GRID1: variants seen among roughly 807,000 people sequenced by gnomAD.
GRID1 encodes glutamate ionotropic receptor delta type subunit 1, also known as glutamate receptor ionotropic, delta-1.
GRID1 carries 28 observed loss-of-function variants against 98.0 expected under a neutral mutation model. The observed-to-expected ratio is 0.29, with a 90% CI of 0.21 to 0.39. GRID1 has a LOEUF of 0.39. Ranked by LOEUF, GRID1 falls within the 10% of genes least tolerant of loss-of-function variation. The probability of loss-of-function intolerance (pLI) is 1.00; values close to 1 mark genes in which losing one functional copy is unlikely to be tolerated. For missense variants in GRID1, 1,111 were observed against 1,340.5 expected (o/e 0.83, Z 2.67); for synonymous variants, 553 against 538.5 (o/e 1.03, Z -0.37).
Position 86,277,686 on chromosome 10 carries a change from T to C in GRID1, c.236-71038A>G, listed in dbSNP as rs569037090. 4.0e-5 allele frequency among the ~76,000 whole-genome samples: 6 copies of C among 151,890 alleles called. No homozygotes were observed. In the East Asian group the frequency reaches 9.7e-4, roughly 24 times the overall value. The stretch of plus-strand genomic sequence containing the variant: ...CCTGAGGGTAACCACAAAGAAAATA[T>C]CCAAGGAATATACACAAAAGGAAAT... On this transcript the variant is annotated intron_variant, in intron 2 of 15. Coordinates refer to ENST00000327946, the MANE Select transcript of GRID1 (RefSeq NM_017551.3).
At chr10:86,183,776 A>G (rs1489071182) in intron 3 of GRID1, among the ~76,000 whole-genome samples, 1 of 152,222 alleles carries the variant, frequency 6.6e-6, no homozygotes, top group Non-Finnish European at 1.5e-5. Context: ...CATTTCTTTC[A>G]GGTAAATACC....
intron 2 of GRID1, among the ~76,000 whole-genome samples, chr10:86,310,205 A>C (rs1847813966): frequency 1.3e-5 from 2 of 152,146 alleles, no homozygotes; most frequent in African/African-American, 4.8e-5. Flanking sequence ...CCCCATCCCC[A>C]AGCCCAGATT....
intron 2 of GRID1, among the ~76,000 whole-genome samples, chr10:86,241,405 A>AGT (rs1846631306): frequency 2.0e-5 from 3 of 148,862 alleles, no homozygotes; most frequent in Admixed American, 1.3e-4. Flanking sequence ...GCATCTTTAC[A>AGT]GGGGGGCCCC....
intron 12 of GRID1, among the ~76,000 whole-genome samples, chr10:85,720,153 G>A (rs1179455396): frequency 2.0e-5 from 3 of 152,072 alleles, no homozygotes; most frequent in Non-Finnish European, 4.4e-5. Flanking sequence ...ATTGAGCTGG[G>A]TTCAAACTCA....
At chr10:86,281,357 G>C (rs962496044) in intron 2 of GRID1, among the ~76,000 whole-genome samples, 1 of 152,206 alleles carries the variant, frequency 6.6e-6, no homozygotes. Flanking sequence ...ATTGCAGCCA[G>C]TGGCTGCAGA....
chr10:86,080,394 A>AAGGGAAGGGGAGGGG (rs1169099359), intron 4 of GRID1, among the ~76,000 whole-genome samples: 1 of 26,248 alleles, frequency 3.8e-5, no homozygotes, highest in Non-Finnish European at 7.8e-5. Flanking sequence ...AAGGGAAGGG[A>AAGGGAAGGGGAGGGG]AGGGAAGGGA....
At chr10:85,835,928 C>T (rs966168106) in intron 8 of GRID1, among the ~76,000 whole-genome samples, 2 of 151,938 alleles carry the variant, frequency 1.3e-5, no homozygotes, top group African/African-American at 4.8e-5. Context: ...AAGTTTTAAC[C>T]TAAGCCATAA....
intron 2 of GRID1, among the ~76,000 whole-genome samples, chr10:86,235,107 C>T (rs1210402778): frequency 6.6e-6 from 1 of 152,238 alleles, no homozygotes; most frequent in East Asian, 1.9e-4. Flanking sequence ...CCAGCTCTCT[C>T]CTTGGGCCTT....
At chr10:86,292,158 G>A (rs540710902) in intron 2 of GRID1, among the ~76,000 whole-genome samples, 59 of 152,274 alleles carry the variant, frequency 3.9e-4, no homozygotes, top group African/African-American at 1.2e-3. Flanking sequence ...AAGCACGCAC[G>A]CCCCAGCACA....
chr10:86,211,737 C>A (rs1363321800), intron 2 of GRID1, among the ~76,000 whole-genome samples: 1 of 152,170 alleles, frequency 6.6e-6, no homozygotes, highest in Non-Finnish European at 1.5e-5. Flanking sequence ...ACAGAGAGTG[C>A]TAGTTGCTTG....
chr10:86,035,844 T>C (rs1174408972), intron 4 of GRID1, among the ~76,000 whole-genome samples: 1 of 152,036 alleles, frequency 6.6e-6, no homozygotes, highest in Non-Finnish European at 1.5e-5. Context: ...CCAGTGAAAA[T>C]AGCAGGTGCT....
rs142548285 is a variant in GRID1, at chr10:86,128,135, C to A, written c.726+10684G>T. ...CCAGCCCTGGAAAGAAAAGCATCATCGTGGCCCCAGCTGAGCATCTGAAAG... is the reference window on the plus strand; with the variant it reads ...CCAGCCCTGGAAAGAAAAGCATCATAGTGGCCCCAGCTGAGCATCTGAAAG... On this transcript the variant is annotated intron_variant, in intron 4 of 15. Coordinates refer to ENST00000327946, the MANE Select transcript of GRID1 (RefSeq NM_017551.3). 3.0e-3 allele frequency among the ~76,000 whole-genome samples: 455 copies of A among 151,952 alleles called. 2 individuals are homozygous for A. The highest frequency in any genetic ancestry group is 0.011 in the African/African-American group (436 of 41,306).
chr10:86,254,451 G>C (rs1281033302), intron 2 of GRID1, among the ~76,000 whole-genome samples: 1 of 152,224 alleles, frequency 6.6e-6, no homozygotes, highest in African/African-American at 2.4e-5. Context: ...AGAAACTTTT[G>C]AGGTGGGGCT....
At chr10:85,883,388 C>T (rs941560286) in intron 5 of GRID1, among the ~76,000 whole-genome samples, 3 of 152,120 alleles carry the variant, frequency 2.0e-5, no homozygotes, top group Admixed American at 6.6e-5. Context: ...CTTCTAAATA[C>T]GTAAAGTCAT....
At chr10:85,678,849 G>T (rs1841174496) in intron 12 of GRID1, among the ~76,000 whole-genome samples, 2 of 151,942 alleles carry the variant, frequency 1.3e-5, no homozygotes, top group Admixed American at 1.3e-4. Context: ...TGCAACTTTG[G>T]TTTGTACTCC....
chr10:85,822,955 A>G (rs990614976), intron 8 of GRID1, among the ~76,000 whole-genome samples: 3 of 152,140 alleles, frequency 2.0e-5, no homozygotes, highest in African/African-American at 4.8e-5. Context: ...ACCAAACACC[A>G]TATGTTCTCA....
At chr10:85,920,208 TG>T (rs1298401730) in intron 4 of GRID1, among the ~76,000 whole-genome samples, 2 of 152,174 alleles carry the variant, frequency 1.3e-5, no homozygotes, top group East Asian at 3.9e-4. Flanking sequence ...AATAAATCAT[TG>T]TCACACACAA....
Position 86,130,440 on chromosome 10 carries a change from G to A in GRID1, c.726+8379C>T, listed in dbSNP as rs575391184. On this transcript the variant is annotated intron_variant, in intron 4 of 15. Transcript: ENST00000327946. ...CAAATGTTGCCTTTTGGCCTGCCAT[G>A]CCTGTACCCATATAAACCCCAAATC... is the stretch of plus-strand genomic sequence containing the variant. Among the ~76,000 whole-genome samples the A allele has an allele frequency of 3.0e-4, 46 of 152,344 alleles. No individual in the cohort carries two copies. The South Asian group carries it at 4.8e-3, about 16-fold the overall frequency.
intron 4 of GRID1, among the ~76,000 whole-genome samples, chr10:86,075,758 G>A (rs1843872475): frequency 6.6e-6 from 1 of 152,186 alleles, no homozygotes; most frequent in African/African-American, 2.4e-5. Flanking sequence ...AGAACACGCA[G>A]AGGACCCTCT....
Sources: gnomAD v4.1 joint callset for allele counts (sites outside exome capture counted in the v4.1 genomes callset) on GRCh38, gnomAD v4.1.1 for gene constraint, MANE v1.5 for transcripts, NCBI Gene and HGNC (gene_info 2026-07-23, HGNC 2026-07-21) for gene names.